HACD2: variants seen among roughly 807,000 people sequenced by gnomAD.
HACD2 encodes the protein 3-hydroxyacyl-CoA dehydratase 2, also known as very-long-chain (3R)-3-hydroxyacyl-CoA dehydratase 2.
In HACD2, 15 loss-of-function variants were observed where a neutral mutation model predicts 31.0. The observed-to-expected ratio is 0.48, with a 90% CI of 0.32 to 0.75. The LOEUF is 0.75. Ranked by LOEUF, HACD2 falls within the 30% of genes least tolerant of loss-of-function variation. HACD2 has a pLI of 0.03. For synonymous variants in HACD2, 115 were observed against 122.2 expected (o/e 0.94, Z 0.39); for missense variants, 283 against 313.0 (o/e 0.90, Z 0.72).
chr3:123,578,625 G>A (rs2056933009), intron 2 of HACD2, among the ~76,000 whole-genome samples: 2 of 152,140 alleles, frequency 1.3e-5, no homozygotes, highest in African/African-American at 4.8e-5. Context: ...CTTGGTAAAT[G>A]TTTTTATGTC....
chr3:123,565,233 A>G (rs1327245692), intron 3 of HACD2, among the ~76,000 whole-genome samples: 1 of 152,242 alleles, frequency 6.6e-6, no homozygotes, highest in Non-Finnish European at 1.5e-5. Context: ...TTTAAGACAG[A>G]TAAAGGGATT....
At position 123,567,772 on chromosome 3, in the gene HACD2, A is replaced by T; in HGVS notation, c.282T>A (p.His94Gln). The T allele has an allele frequency of 1.7e-5, 26 of 1,506,756 alleles. No homozygotes were observed. Among genetic ancestry groups the T allele is most frequent in the Non-Finnish European group, 2.3e-5 (26 of 1,118,972 alleles). The allele number at this position is 1,506,756 out of a possible 1,614,324, so 93.3% of individuals were successfully genotyped here. The change falls in exon 3 of 7, where the codon CAT becomes CAA. Residue 94 changes from histidine (H) to glutamine (Q), a missense_variant. Around this residue, in one of 3 missense-constraint regions of HACD2, gnomAD observed 158 missense variants for 148.3 expected, o/e 1.07. Transcript: ENST00000383657. ...FQTGALLEIL[H>Q]CAIGIVPSSV... ...AATATCCATACTTACCTATAGCACA[A>T]TGTAAAATCTAGAGGAAAAAAGGGG...
intron 3 of HACD2, among the ~76,000 whole-genome samples, chr3:123,556,952 C>A (rs1290665866): frequency 6.6e-6 from 1 of 152,126 alleles, no homozygotes; most frequent in Non-Finnish European, 1.5e-5. Flanking sequence ...CTGGACTTGA[C>A]TAAAATTAAA....
intron 5 of HACD2, among the ~76,000 whole-genome samples, chr3:123,501,529 A>G (rs1037332144): frequency 2.0e-5 from 3 of 152,242 alleles, no homozygotes; most frequent in African/African-American, 7.2e-5. Flanking sequence ...AAATCTCTGA[A>G]GTGGAAGGGA....
intron 4 of HACD2, among the ~76,000 whole-genome samples, chr3:123,524,494 G>A (rs1163050256): frequency 2.0e-5 from 3 of 152,100 alleles, no homozygotes; most frequent in African/African-American, 7.2e-5. Flanking sequence ...CAATTGATGT[G>A]TACATCTGAT....
chr3:123,537,506 T>C (rs375438674), intron 3 of HACD2, among the ~76,000 whole-genome samples: 142 of 151,788 alleles, frequency 9.4e-4, no homozygotes, highest in African/African-American at 2.9e-3. Context: ...TGAGGCTGCA[T>C]TGAGCTATGA....
Position 123,494,680 on chromosome 3 carries a change from G to C in HACD2, c.*208C>G. ...TCTGGTTGAAAGAGCATGCTGAAAT[G>C]AACTGGCCAGGGTGTTTTATGTAAC... On this transcript the variant is annotated 3_prime_UTR_variant, in exon 7 of 7. Transcript: ENST00000383657. 1 of 574,458 alleles carries C rather than the reference G, an allele frequency of 1.7e-6. No individual in the cohort carries two copies. The highest frequency in any genetic ancestry group is 3.0e-6 in the Non-Finnish European group (1 of 328,172). The allele number at this position is 574,458 out of a possible 1,614,324, so 35.6% of individuals were successfully genotyped here. A position where few individuals can be genotyped will look rare whatever the true frequency, so the allele number is the denominator to read the frequency against.
intron 3 of HACD2, among the ~76,000 whole-genome samples, chr3:123,545,534 A>AATAAATAGAAAT (rs1472044822): frequency 7.8e-6 from 1 of 128,862 alleles, no homozygotes; most frequent in African/African-American, 3.3e-5. Flanking sequence ...AATAGAAATA[A>AATAAATAGAAAT]AGTCTTTTTA....
intron 4 of HACD2, among the ~76,000 whole-genome samples, chr3:123,512,857 A>G (rs1183646534): frequency 6.6e-6 from 1 of 152,152 alleles, no homozygotes; most frequent in Non-Finnish European, 1.5e-5. Flanking sequence ...GTGTATATGT[A>G]TATGTACCCA....
chr3:123,556,363 G>T (rs137867617), intron 3 of HACD2, among the ~76,000 whole-genome samples: 3,312 of 151,152 alleles, frequency 0.022, 71 homozygotes, highest in Non-Finnish European at 0.032. Context: ...CCTGAGCCCT[G>T]CAGATCAAGG....
In HACD2 at chr3:123,500,521, T is replaced by C; in HGVS notation, c.676A>G (p.Ile226Val). The C allele has an allele frequency of 3.8e-6, 6 of 1,597,574 alleles. No homozygotes were observed. Among genetic ancestry groups the C allele is most frequent in the South Asian group, 2.2e-5 (2 of 89,404 alleles). The change falls in exon 6 of 7, where the codon ATT (isoleucine) becomes GTT (valine). Residue 226 changes from isoleucine to valine, a missense_variant. Physicochemically the swap from Ile to Val is conservative, Grantham distance 29 (BLOSUM62 3). Around this residue, in one of 3 missense-constraint regions of HACD2, gnomAD observed 40 missense variants for 35.1 expected, o/e 1.14. Coordinates refer to ENST00000383657, the MANE Select transcript of HACD2 (RefSeq NM_198402.5). ...AFLILIMISY[I>V]PIFPQLYFHM... is the part of the protein sequence containing the mutation. The stretch of plus-strand genomic sequence containing the variant: ...CGCATAACTGTTTACTTACTTGGAA[T>C]GTAGGAGATCATTATTAGAATCAGG...
rs1019814274 is a variant in HACD2, at chr3:123,491,633, T to C, written c.*3255A>G. On this transcript the variant is annotated 3_prime_UTR_variant, in exon 7 of 7. Coordinates refer to ENST00000383657, the MANE Select transcript of HACD2 (RefSeq NM_198402.5). ...GTATTTTATGAATACAACTTATTAC[T>C]ACATTATCAGGTAAAAACAGCTTTC... 3 of 152,646 alleles carry C rather than the reference T, an allele frequency of 2.0e-5. No homozygotes were observed. The highest frequency in any genetic ancestry group is 2.0e-4 in the Admixed American group (3 of 15,280). The allele number at this position is 152,646 out of a possible 1,614,324, so 9.5% of individuals were successfully genotyped here. A position where few individuals can be genotyped will look rare whatever the true frequency, so the allele number is the denominator to read the frequency against.
At chr3:123,504,428 C>A (rs1036631343) in intron 4 of HACD2, among the ~76,000 whole-genome samples, 1 of 152,018 alleles carries the variant, frequency 6.6e-6, no homozygotes, top group Non-Finnish European at 1.5e-5. Flanking sequence ...TAAATAATTG[C>A]GGAGCAAATG....
chr3:123,500,829 A>T (rs2055893813), intron 5 of HACD2, 136 bp from the exon 6 acceptor site: 2 of 509,494 alleles, frequency 3.9e-6, no homozygotes, highest in African/African-American at 3.9e-5. Context: ...CTGCTACTCA[A>T]ATTCAGGTTT....
At chr3:123,544,978 G>A (rs1005830501) in intron 3 of HACD2, among the ~76,000 whole-genome samples, 14 of 147,206 alleles carry the variant, frequency 9.5e-5, no homozygotes, top group South Asian at 4.4e-4. Context: ...GGAGGCTGAG[G>A]TGGGAGGATT....
At chr3:123,540,570 T>C (rs1311948158) in intron 3 of HACD2, among the ~76,000 whole-genome samples, 2 of 152,244 alleles carry the variant, frequency 1.3e-5, no homozygotes, top group Non-Finnish European at 2.9e-5. Flanking sequence ...GAGGACACAG[T>C]GAGTCAATTG....
chr3:123,554,557 A>C (rs2056654668), intron 3 of HACD2, among the ~76,000 whole-genome samples: 1 of 152,148 alleles, frequency 6.6e-6, no homozygotes. Context: ...CAGGTAGGCA[A>C]ATACAGCAAA....
At chr3:123,495,822 A>T (rs1026281659) in intron 6 of HACD2, among the ~76,000 whole-genome samples, 6 of 152,164 alleles carry the variant, frequency 3.9e-5, no homozygotes, top group Admixed American at 1.3e-4. Context: ...GAGACCAGGG[A>T]TGCTAAAACA....
intron 4 of HACD2, among the ~76,000 whole-genome samples, chr3:123,517,546 A>T (rs551679959): frequency 5.9e-5 from 9 of 152,284 alleles, no homozygotes; most frequent in Admixed American, 1.3e-4. Context: ...CCCAGAGAAC[A>T]ATATTCTCAG....
Sources: allele counts gnomAD v4.1 joint callset (sites outside exome capture counted in the v4.1 genomes callset), GRCh38; gene constraint gnomAD v4.1.1; regional missense constraint gnomAD v4.1.1; transcripts MANE v1.5; gene names NCBI Gene and HGNC (gene_info 2026-07-23, HGNC 2026-07-21).